CTIF: variants seen among roughly 807,000 people sequenced by gnomAD.
CTIF encodes CBP80/20-dependent translation initiation factor.
Under a neutral mutation model 66.0 loss-of-function variants are expected in CTIF, and 21 were observed. The observed-to-expected ratio is 0.32, with a 90% CI of 0.23 to 0.46. CTIF has a LOEUF of 0.46. CTIF is among the 20% of genes least tolerant of loss of function. The pLI, the probability that CTIF is intolerant of heterozygous loss-of-function variation, is 1.00. For missense variants in CTIF, 739 were observed against 812.7 expected, an observed-to-expected ratio of 0.91 and a Z score of 1.10; for synonymous variants, 345 against 326.4, an observed-to-expected ratio of 1.06 and a Z score of -0.62.
At chr18:48,775,883 C>A (rs1389590265) in intron 9 of CTIF, among the ~76,000 whole-genome samples, 1 of 152,206 alleles carries the variant, frequency 6.6e-6, no homozygotes, top group Non-Finnish European at 1.5e-5. Context: ...AATCAGCAAG[C>A]CCAGGGCTGA....
chr18:48,792,898 G>T (rs2067824487), intron 9 of CTIF, among the ~76,000 whole-genome samples: 1 of 152,150 alleles, frequency 6.6e-6, no homozygotes, highest in Non-Finnish European at 1.5e-5. Context: ...GCATTCAGAG[G>T]GGTGATCTGG....
intron 1 of CTIF, among the ~76,000 whole-genome samples, chr18:48,597,923 G>A (rs938463303): frequency 6.6e-6 from 1 of 152,220 alleles, no homozygotes; most frequent in African/African-American, 2.4e-5. Flanking sequence ...TGTTTCAGAT[G>A]AGGAGACCCA....
chr18:48,823,976 C>CCACACA lies in CTIF; in HGVS notation c.1527+6633_1527+6638dup, dbSNP rs35554666. On this transcript the variant is annotated intron_variant, in intron 10 of 11. Coordinates refer to ENST00000256413, the MANE Select transcript of CTIF (RefSeq NM_014772.3). ...TTATATATAGAAAATCCTAAAGACT[C>CCACACA]CACACACACACACACACACACACAC... Among the ~76,000 whole-genome samples the CCACACA allele has an allele frequency of 4.8e-3, 594 of 124,212 alleles. 4 individuals carry two copies. The highest frequency in any genetic ancestry group is 0.024 in the Middle Eastern group (5 of 208). The allele number at this position is 124,212 out of a possible 152,430, so 81.5% of individuals were successfully genotyped here.
chr18:48,664,513 C>G lies in CTIF; in HGVS notation c.393C>G (p.His131Gln). ...DFTQFHRKVR[H>Q]TPKQPLPHID... ...CCCAGTTCCACCGCAAAGTCCGACA[C>G]ACGCCCAAGCAGCCCCTGCCACACA... The change falls in exon 5 of 12, where the codon CAC (histidine) becomes CAG (glutamine). Residue 131 changes from histidine to glutamine, a missense_variant. His to Gln is a conservative substitution (Grantham distance 24). Around this residue, in one of 2 missense-constraint regions of CTIF, gnomAD observed 529 missense variants for 520.3 expected, o/e 1.02. Coordinates refer to ENST00000256413, the MANE Select transcript of CTIF (RefSeq NM_014772.3). The G allele has an allele frequency of 1.9e-6, 3 of 1,613,178 alleles. No individual in the cohort carries two copies. Among genetic ancestry groups the G allele is most frequent in the Non-Finnish European group, 2.5e-6 (3 of 1,179,968 alleles).
chr18:48,759,233 G>A (rs1908717555), intron 8 of CTIF, among the ~76,000 whole-genome samples: 1 of 152,320 alleles, frequency 6.6e-6, no homozygotes, highest in East Asian at 1.9e-4. Flanking sequence ...GAGAGGAACT[G>A]TCCCAAGAAA....
intron 1 of CTIF, among the ~76,000 whole-genome samples, chr18:48,586,838 T>C (rs1164992495): frequency 6.6e-6 from 1 of 152,148 alleles, no homozygotes; most frequent in Admixed American, 6.5e-5. Context: ...ACAGATTCAC[T>C]CCAAAGCGGT....
At chr18:48,758,531 A>G in intron 8 of CTIF, 126 bp downstream of exon 8, 1 of 1,234,950 alleles carries the variant, frequency 8.1e-7, no homozygotes, top group Non-Finnish European at 1.1e-6. Flanking sequence ...TGTACAGGGA[A>G]GCAGGGGCTT....
intron 1 of CTIF, among the ~76,000 whole-genome samples, chr18:48,582,649 G>A (rs776332546): frequency 1.3e-5 from 2 of 152,166 alleles, no homozygotes; most frequent in African/African-American, 2.4e-5. Context: ...TAGGTTAGTG[G>A]TGGTGCAGAG....
chr18:48,562,109 T>G (rs2089176094), intron 1 of CTIF, among the ~76,000 whole-genome samples: 1 of 152,266 alleles, frequency 6.6e-6, no homozygotes. Context: ...TTAGCCATAC[T>G]GTTTTTTTTC....
chr18:48,605,351 A>G (rs1185940129), intron 1 of CTIF, among the ~76,000 whole-genome samples: 3 of 152,212 alleles, frequency 2.0e-5, no homozygotes, highest in Middle Eastern at 3.2e-3. Context: ...GGTGAAATCC[A>G]GTGACAGTTG....
At position 48,848,046 on chromosome 18, in the gene CTIF, G is replaced by A. The variant is rs2146599771; in HGVS notation, c.1528-9542G>A. Reference sequence around the variant, plus strand: ...GCCAGCTGTCCCGGAGGGTACTCCTGACGTGTAGGTGGCAACCATCCTAGA... The same window carrying A: ...GCCAGCTGTCCCGGAGGGTACTCCTAACGTGTAGGTGGCAACCATCCTAGA... On this transcript the variant is annotated intron_variant, in intron 10 of 11. Coordinates refer to ENST00000256413, the MANE Select transcript of CTIF (RefSeq NM_014772.3). 2.0e-5 allele frequency among the ~76,000 whole-genome samples: 3 copies of A among 152,280 alleles called. No individual in the cohort carries two copies. In the South Asian group the frequency reaches 6.2e-4, roughly 32 times the overall value.
At chr18:48,646,876 A>C (rs988183428) in intron 3 of CTIF, among the ~76,000 whole-genome samples, 2 of 127,640 alleles carry the variant, frequency 1.6e-5, no homozygotes, top group Non-Finnish European at 3.2e-5. Flanking sequence ...TGGTATAGCC[A>C]TTCTGGAAAA....
intron 6 of CTIF, among the ~76,000 whole-genome samples, chr18:48,708,988 A>G (rs147932347): frequency 6.6e-4 from 101 of 152,336 alleles, no homozygotes; most frequent in African/African-American, 2.3e-3. Context: ...GATGATGATG[A>G]TGATGATGGC....
In CTIF at chr18:48,859,375, A is replaced by G; in HGVS notation, c.1613A>G (p.Gln538Arg). The change falls in exon 12 of 12, where the codon CAG (glutamine) becomes CGG (arginine). Residue 538 changes from glutamine (Q) to arginine (R), a missense_variant. Around this residue, in one of 2 missense-constraint regions of CTIF, gnomAD observed 210 missense variants for 292.3 expected, o/e 0.72. Coordinates refer to ENST00000256413, the MANE Select transcript of CTIF (RefSeq NM_014772.3). ...LQSTGRLLEE[Q>R]LPEMMTELLA... Reference sequence around the variant, plus strand: ...AGTACAGGCCGGCTGCTGGAGGAACAGCTGCCTGAGATGATGACAGAGCTC... The same window carrying G: ...AGTACAGGCCGGCTGCTGGAGGAACGGCTGCCTGAGATGATGACAGAGCTC... 6.2e-7 allele frequency: 1 copy of G among 1,614,078 alleles called. No individual in the cohort carries two copies. Among genetic ancestry groups the G allele is most frequent in the Non-Finnish European group, 8.5e-7 (1 of 1,180,020 alleles).
intron 7 of CTIF, among the ~76,000 whole-genome samples, chr18:48,739,904 G>A (rs762436752): frequency 2.0e-5 from 3 of 152,200 alleles, no homozygotes; most frequent in Admixed American, 6.5e-5. Flanking sequence ...ATCTGCAGTG[G>A]CCCAGGTGAC....
chr18:48,754,041 G>A (rs1194697138), intron 7 of CTIF, among the ~76,000 whole-genome samples: 3 of 152,264 alleles, frequency 2.0e-5, no homozygotes, highest in African/African-American at 7.2e-5. Flanking sequence ...GAGCAGGGAA[G>A]CCTAGGTCTC....
chr18:48,856,290 C>T (rs1319762495), intron 10 of CTIF, among the ~76,000 whole-genome samples: 1 of 152,180 alleles, frequency 6.6e-6, no homozygotes, highest in Non-Finnish European at 1.5e-5. Context: ...GAAACCAGAA[C>T]CCTCATGCAT....
At chr18:48,778,993 A>G (rs1343452607) in intron 9 of CTIF, among the ~76,000 whole-genome samples, 1 of 152,104 alleles carries the variant, frequency 6.6e-6, no homozygotes, top group African/African-American at 2.4e-5. Context: ...CCTAAGTTTA[A>G]TACTTCGTAG....
At chr18:48,731,709 A>G (rs925933150) in intron 7 of CTIF, among the ~76,000 whole-genome samples, 1 of 152,246 alleles carries the variant, frequency 6.6e-6, no homozygotes, top group East Asian at 1.9e-4. Flanking sequence ...CAGAAACCCA[A>G]TGGTCCCTTA....
Sources: gnomAD v4.1 joint callset for allele counts (sites outside exome capture counted in the v4.1 genomes callset) on GRCh38, gnomAD v4.1.1 for gene constraint, gnomAD v4.1.1 regional missense constraint, MANE v1.5 for transcripts, NCBI Gene and HGNC (gene_info 2026-07-23, HGNC 2026-07-21) for gene names.